The following CFAP54 variants were observed in gnomAD, a reference collection of about 807,000 sequenced individuals.
CFAP54 encodes the protein cilia and flagella associated protein 54, also known as cilia- and flagella-associated protein 54.
Under a neutral mutation model 370.4 loss-of-function variants are expected in CFAP54, and 290 were observed. The observed-to-expected ratio is 0.78, with a 90% CI of 0.71 to 0.86. The LOEUF (loss-of-function observed/expected upper bound fraction) is 0.86. Ranked by LOEUF, CFAP54 falls within the 40% of genes least tolerant of loss-of-function variation. The pLI is 0.00. For synonymous variants in CFAP54, 1,206 were observed against 1,236.5 expected, an observed-to-expected ratio of 0.98 and a Z score of 0.52; for missense variants, 3,399 against 3,528.7, an observed-to-expected ratio of 0.96 and a Z score of 0.93.
intron 22 of CFAP54, among the ~76,000 whole-genome samples, chr12:96,585,195 C>G (rs574950305): frequency 3.3e-5 from 5 of 152,220 alleles, no homozygotes; most frequent in African/African-American, 7.2e-5. Flanking sequence ...GAGTCTCACT[C>G]TGTTGCCCAG....
In CFAP54 at chr12:96,540,891, G is replaced by A. The variant is rs779675044; in HGVS notation, c.1981G>A (p.Asp661Asn). 1.6e-5 allele frequency: 24 copies of A among 1,511,628 alleles called. No individual in the cohort carries two copies. Among genetic ancestry groups the A allele is most frequent in the Non-Finnish European group, 2.1e-5 (24 of 1,136,282 alleles). 93.6% of individuals were successfully genotyped at this position (1,511,628 alleles called of 1,614,324 possible). A position where few individuals can be genotyped will look rare whatever the true frequency, so the allele number is the denominator to read the frequency against. Residue 661 changes from aspartate to asparagine, a missense_variant, in exon 14 of 68, where the codon GAC (aspartate) becomes AAC (asparagine). By Grantham distance (23) the Asp-to-Asn change is conservative. Coordinates refer to ENST00000524981, the MANE Select transcript of CFAP54 (RefSeq NM_001306084.2). ...AGTAATTCACTGCTATAAAATGGAA[G>A]ACATTGACATTGTGGTAGTGGCAGA... The part of the protein sequence containing the change: ...NEVIHCYKME[D>N]IDIVVVAEVT...
At chr12:96,584,285 G>A (rs900344015) in intron 22 of CFAP54, among the ~76,000 whole-genome samples, 7 of 152,094 alleles carry the variant, frequency 4.6e-5, no homozygotes, top group East Asian at 1.9e-4. Flanking sequence ...GCAACATGGC[G>A]AAACCCTGTC....
chr12:96,751,247 T>C (rs2136653422), intron 55 of CFAP54, among the ~76,000 whole-genome samples: 1 of 152,298 alleles, frequency 6.6e-6, no homozygotes, highest in Middle Eastern at 3.4e-3. Context: ...GGGCCACTTA[T>C]ATGCAAGAAT....
intron 66 of CFAP54, among the ~76,000 whole-genome samples, chr12:96,854,267 C>A (rs758735002): frequency 2.0e-5 from 3 of 151,692 alleles, no homozygotes; most frequent in African/African-American, 7.3e-5. Flanking sequence ...ATTAATAAAC[C>A]GGTTAACATT....
intron 60 of CFAP54, among the ~76,000 whole-genome samples, chr12:96,776,062 C>T (rs1183263055): frequency 1.3e-5 from 2 of 151,624 alleles, no homozygotes; most frequent in African/African-American, 2.4e-5. Flanking sequence ...AATATGTATA[C>T]AATAAATTAG....
chr12:96,725,908 G>C (rs1957827345), intron 50 of CFAP54, among the ~76,000 whole-genome samples: 1 of 149,964 alleles, frequency 6.7e-6, no homozygotes, highest in South Asian at 2.2e-4. Flanking sequence ...TTTGTCAAAG[G>C]CCTTTTCTGC....
At chr12:96,728,109 A>T (rs1957866097) in intron 50 of CFAP54, among the ~76,000 whole-genome samples, 7 of 152,010 alleles carry the variant, frequency 4.6e-5, no homozygotes, top group Admixed American at 3.9e-4. Context: ...TGCCCTTAAC[A>T]TTTCTCCCTT....
chr12:96,825,310 A>AATATAATATAATATATTATATATATT (rs1346862763), intron 65 of CFAP54, among the ~76,000 whole-genome samples: 1 of 127,818 alleles, frequency 7.8e-6, no homozygotes, highest in African/African-American at 3.0e-5. Context: ...TTATATATAT[A>AATATAATATAATATATTATATATATT]ATATAATATA....
intron 65 of CFAP54, among the ~76,000 whole-genome samples, chr12:96,828,407 C>G (rs1046187885): frequency 3.3e-5 from 5 of 152,094 alleles, no homozygotes; most frequent in Non-Finnish European, 7.4e-5. Flanking sequence ...ATCTTCTCCT[C>G]TGTCTTCTCC....
chr12:96,851,671 G>A (rs143175956), intron 66 of CFAP54, among the ~76,000 whole-genome samples: 72 of 151,942 alleles, frequency 4.7e-4, no homozygotes, highest in African/African-American at 1.6e-3. Flanking sequence ...TTAAAATAGT[G>A]GCAAAATTAT....
intron 51 of CFAP54, among the ~76,000 whole-genome samples, chr12:96,742,162 C>A (rs1958058311): frequency 6.6e-6 from 1 of 152,102 alleles, no homozygotes; most frequent in African/African-American, 2.4e-5. Context: ...GTGAGAAATT[C>A]ACACTGCAAA....
chr12:96,792,002 A>C (rs1958703196), intron 62 of CFAP54, among the ~76,000 whole-genome samples: 1 of 152,124 alleles, frequency 6.6e-6, no homozygotes, highest in Non-Finnish European at 1.5e-5. Flanking sequence ...GGCGCACGCC[A>C]CCATGCCCGG....
intron 50 of CFAP54, among the ~76,000 whole-genome samples, chr12:96,724,040 G>T (rs1957796570): frequency 6.6e-6 from 1 of 151,896 alleles, no homozygotes; most frequent in Admixed American, 6.6e-5. Flanking sequence ...GTATTCCATG[G>T]TGTATATGTG....
At chr12:96,681,132 CAA>C (rs1045533625) in intron 40 of CFAP54, among the ~76,000 whole-genome samples, 11 of 146,360 alleles carry the variant, frequency 7.5e-5, no homozygotes, top group East Asian at 4.1e-4. Flanking sequence ...CACACACACA[CAA>C]AAAGTGGGTA....
chr12:96,632,697 G>C (rs11615366), intron 32 of CFAP54, among the ~76,000 whole-genome samples: 1 of 151,858 alleles, frequency 6.6e-6, no homozygotes, highest in African/African-American at 2.4e-5. Flanking sequence ...CTTTTCCTTC[G>C]TGCAAGTCTT....
intron 66 of CFAP54, among the ~76,000 whole-genome samples, chr12:96,849,883 T>G (rs563130268): frequency 6.6e-6 from 1 of 152,294 alleles, no homozygotes; most frequent in South Asian, 2.1e-4. Flanking sequence ...TAATTCACAG[T>G]CTTTTATCTG....
At chr12:96,766,057 C>A (rs1308160362) in intron 60 of CFAP54, among the ~76,000 whole-genome samples, 1 of 152,070 alleles carries the variant, frequency 6.6e-6, no homozygotes, top group Non-Finnish European at 1.5e-5. Context: ...CAGCATTGAG[C>A]CAAAGGAGAA....
intron 4 of CFAP54, among the ~76,000 whole-genome samples, chr12:96,507,518 AACACACACACACACATACACACACAC>A (rs1393828839): frequency 3.4e-5 from 4 of 116,086 alleles, no homozygotes; most frequent in African/African-American, 6.6e-5. Context: ...ACTGCTGAGG[AACACACACACACACATACACACACAC>A]ACACACACAC....
chr12:96,626,742 G>A (rs1956552951), intron 29 of CFAP54, 71 bp from the exon 30 acceptor site: 3 of 863,536 alleles, frequency 3.5e-6, no homozygotes, highest in African/African-American at 1.7e-5. Flanking sequence ...ATGACTGCTA[G>A]CACTGGCAAC....
Sources: gnomAD v4.1 joint callset for allele counts (sites outside exome capture counted in the v4.1 genomes callset) on GRCh38, gnomAD v4.1.1 for gene constraint, MANE v1.5 for transcripts, NCBI Gene and HGNC (gene_info 2026-07-23, HGNC 2026-07-21) for gene names.